The following STYX variants were observed in gnomAD, a reference collection of about 807,000 sequenced individuals.
The protein encoded by STYX is serine/threonine/tyrosine-interacting protein.
A neutral mutation model predicts 42.7 loss-of-function variants in STYX; 20 were observed. That is an observed-to-expected ratio of 0.47 (90% CI 0.33 to 0.68). The LOEUF is 0.68. Among genes scored for constraint, STYX ranks in the 30% least tolerant of loss-of-function variants. STYX has a pLI of 0.02. For missense variants in STYX, 226 were observed against 268.5 expected (o/e 0.84, Z 1.11); for synonymous variants, 78 against 81.9 (o/e 0.95, Z 0.26).
chr14:52,769,134 T>C (rs1479752624), intron 10 of STYX, among the ~76,000 whole-genome samples: 6 of 152,172 alleles, frequency 3.9e-5, no homozygotes, highest in Non-Finnish European at 7.4e-5. Flanking sequence ...ACATCCGTGT[T>C]GTAAAGATTA....
intron 9 of STYX, among the ~76,000 whole-genome samples, chr14:52,764,666 C>CTT (rs58502916): frequency 0.22 from 21,467 of 98,590 alleles, 2,992 homozygotes; most frequent in East Asian, 0.3. Context: ...TTTACTTTTC[C>CTT]TTTTTTTTTT....
chr14:52,732,092 T>TTTTTTTG (rs1491133931), intron 1 of STYX, among the ~76,000 whole-genome samples: 1 of 71,118 alleles, frequency 1.4e-5, no homozygotes, highest in African/African-American at 7.5e-5. Flanking sequence ...ATACTCATGG[T>TTTTTTTG]TTTTTTTTTT....
chr14:52,750,627 T>C (rs1416913021), intron 3 of STYX, 56 bp from the exon 4 acceptor site: 1 of 1,118,202 alleles, frequency 8.9e-7, no homozygotes. Context: ...AGATGATGTT[T>C]GATATTTTAA....
chr14:52,749,701 T>C (rs1168984058), intron 3 of STYX, among the ~76,000 whole-genome samples: 47 of 152,274 alleles, frequency 3.1e-4, no homozygotes, highest in Non-Finnish European at 5.9e-5. Flanking sequence ...CACTAGCAAA[T>C]GAAAACTTAT....
chr14:52,761,144 C>G (rs1882077247), intron 9 of STYX, among the ~76,000 whole-genome samples: 1 of 152,030 alleles, frequency 6.6e-6, no homozygotes, highest in Admixed American at 6.6e-5. Context: ...GCCTGGCCAA[C>G]ATGGGGAAAC....
chr14:52,738,931 A>AC (rs559372164), intron 1 of STYX, among the ~76,000 whole-genome samples: 7 of 149,944 alleles, frequency 4.7e-5, no homozygotes, highest in Admixed American at 1.3e-4. Context: ...GTATACCTCT[A>AC]CCCCCATGCT....
At chr14:52,757,403 T>G in intron 6 of STYX, 48 bp downstream of exon 6, 1 of 1,520,936 alleles carries the variant, frequency 6.6e-7, no homozygotes, top group Non-Finnish European at 9.1e-7. Context: ...TTTGATTATT[T>G]GTTAATTTTT....
chr14:52,732,472 A>C (rs1880772098), intron 1 of STYX, among the ~76,000 whole-genome samples: 1 of 151,386 alleles, frequency 6.6e-6, no homozygotes, highest in Non-Finnish European at 1.5e-5. Context: ...ACGGGGTTTC[A>C]CCATGTTGGC....
chr14:52,746,330 C>A, intron 2 of STYX, 96 bp from the exon 3 acceptor site: 2 of 813,880 alleles, frequency 2.5e-6, no homozygotes, highest in Non-Finnish European at 1.9e-6. Flanking sequence ...GTATCTTGTG[C>A]TGCTTTTGAT....
chr14:52,739,632 CTTT>C (rs58454717), intron 1 of STYX, among the ~76,000 whole-genome samples: 13 of 65,728 alleles, frequency 2.0e-4, no homozygotes, highest in South Asian at 1.3e-3. Flanking sequence ...TCCTTTCTTT[CTTT>C]TTTTTTTTTT....
In STYX at chr14:52,730,222, C is replaced by G. The variant is rs1330529734; in HGVS notation, c.-253C>G. ...GGGCGGCCTGAGGGGTACGGAGACT[C>G]TGGGGGAGGGAGACGGCAGCGGCAT... On this transcript the variant is annotated 5_prime_UTR_variant, in exon 1 of 11. Transcript: ENST00000354586. The G allele has an allele frequency of 3.6e-6, 2 of 563,082 alleles. No homozygotes were observed. The highest frequency in any genetic ancestry group is 3.2e-6 in the Non-Finnish European group (1 of 315,036). 34.9% of individuals were successfully genotyped at this position (563,082 alleles called of 1,614,324 possible).
intron 1 of STYX, chr14:52,731,786 A>G (rs1185377813): frequency 6.6e-6 from 1 of 151,834 alleles, no homozygotes; most frequent in African/African-American, 2.4e-5. Context: ...ATGCTTGACA[A>G]TTACATTTGT....
intron 4 of STYX, among the ~76,000 whole-genome samples, chr14:52,752,695 A>G (rs1008150020): frequency 4.6e-5 from 7 of 152,078 alleles, no homozygotes; most frequent in African/African-American, 1.4e-4. Context: ...TATATTTGCA[A>G]TGTGTTGAGT....
chr14:52,745,795 A>C (rs1881372466), intron 2 of STYX, among the ~76,000 whole-genome samples: 1 of 152,162 alleles, frequency 6.6e-6, no homozygotes, highest in African/African-American at 2.4e-5. Flanking sequence ...CTCTTAATGA[A>C]AGTTCACTTT....
intron 6 of STYX, 76 bp from the exon 7 acceptor site, chr14:52,757,667 T>C (rs1334749556): frequency 7.4e-7 from 1 of 1,344,610 alleles, no homozygotes; most frequent in Non-Finnish European, 1.1e-6. Context: ...AAGGAGTTAC[T>C]TTACTGTGGT....
At chr14:52,762,890 T>C (rs1291148033) in intron 9 of STYX, among the ~76,000 whole-genome samples, 3 of 130,368 alleles carry the variant, frequency 2.3e-5, no homozygotes, top group Non-Finnish European at 4.9e-5. Context: ...TTCTTTTTTT[T>C]TTTTTTTTTT....
Position 52,749,267 on chromosome 14 carries a change from A to G in STYX, c.145-1416A>G, listed in dbSNP as rs531557707. ...TCATGACCTCAATCTAAAACTGATT[A>G]TCTTCCAGAGACTCCACCATCACAT... is the stretch of plus-strand genomic sequence containing the variant. On this transcript the variant is annotated intron_variant, in intron 3 of 10. Coordinates refer to ENST00000354586, the MANE Select transcript of STYX (RefSeq NM_145251.4). 5.9e-5 allele frequency among the ~76,000 whole-genome samples: 9 copies of G among 152,356 alleles called. 1 individual carries two copies. The South Asian group carries it at 1.9e-3, about 32-fold the overall frequency.
At chr14:52,745,214 G>A (rs1233811956) in intron 2 of STYX, among the ~76,000 whole-genome samples, 19 of 150,786 alleles carry the variant, frequency 1.3e-4, no homozygotes, top group Admixed American at 1.1e-3. Flanking sequence ...TCCACCTCCC[G>A]GGTTCAAGTG....
intron 1 of STYX, among the ~76,000 whole-genome samples, chr14:52,740,688 T>C (rs1308358463): frequency 6.6e-6 from 1 of 152,242 alleles, no homozygotes; most frequent in Non-Finnish European, 1.5e-5. Flanking sequence ...CTTCTGTTCA[T>C]GCAATTGAGA....
Sources: gnomAD v4.1 joint callset for allele counts (sites outside exome capture counted in the v4.1 genomes callset) on GRCh38, gnomAD v4.1.1 for gene constraint, MANE v1.5 for transcripts, NCBI Gene and HGNC (gene_info 2026-07-23, HGNC 2026-07-21) for gene names.